The following ZNF365 variants were observed in gnomAD, a reference collection of about 807,000 sequenced individuals.
ZNF365 encodes zinc finger protein 365, also known as protein ZNF365.
ZNF365 carries 22 observed loss-of-function variants against 35.0 expected under a neutral mutation model. The observed-to-expected ratio is 0.63, with a 90% CI of 0.45 to 0.90. The LOEUF (loss-of-function observed/expected upper bound fraction) is 0.90. Ranked by LOEUF, ZNF365 falls within the 40% of genes least tolerant of loss-of-function variation. ZNF365 has a pLI of 0.00. For synonymous variants in ZNF365, 188 were observed against 196.2 expected (o/e 0.96, Z 0.35); for missense variants, 448 against 500.3 (o/e 0.90, Z 1.00).
chr10:62,434,155 T>C (rs35988619), intron 3 of ZNF365, among the ~76,000 whole-genome samples: 7,511 of 152,278 alleles, frequency 0.049, 242 homozygotes, highest in South Asian at 0.079. Flanking sequence ...AGAATTGATA[T>C]TTTAACCAGC....
At chr10:62,436,593 G>T (rs1406431156) in intron 3 of ZNF365, among the ~76,000 whole-genome samples, 1 of 152,154 alleles carries the variant, frequency 6.6e-6, no homozygotes, top group Non-Finnish European at 1.5e-5. Context: ...TTTTCACCAA[G>T]AAATTTTTAT....
intron 3 of ZNF365, among the ~76,000 whole-genome samples, chr10:62,447,340 T>C (rs764094327): frequency 3.3e-5 from 5 of 152,192 alleles, no homozygotes; most frequent in Non-Finnish European, 7.4e-5. Context: ...GAATCTGGGC[T>C]TCACAGGAGT....
At chr10:62,468,337 A>G (rs1287553916) in intron 4 of ZNF365, among the ~76,000 whole-genome samples, 2 of 152,244 alleles carry the variant, frequency 1.3e-5, no homozygotes, top group Non-Finnish European at 2.9e-5. Flanking sequence ...AAGGGACATC[A>G]AAATGTTCAT....
chr10:62,472,698 T>C (rs1841062648), intron 4 of ZNF365, among the ~76,000 whole-genome samples: 1 of 152,214 alleles, frequency 6.6e-6, no homozygotes, highest in Non-Finnish European at 1.5e-5. Flanking sequence ...ATTTGGTGTA[T>C]GGTGCTTTGT....
intron 3 of ZNF365, among the ~76,000 whole-genome samples, chr10:62,393,349 C>T (rs2132422783): frequency 6.6e-6 from 1 of 152,308 alleles, no homozygotes; most frequent in South Asian, 2.1e-4. Flanking sequence ...ATGCTCTGTA[C>T]ATGATTATAT....
chr10:62,398,139 C>A (rs1839763031), intron 3 of ZNF365, among the ~76,000 whole-genome samples: 1 of 152,194 alleles, frequency 6.6e-6, no homozygotes, highest in Non-Finnish European at 1.5e-5. Flanking sequence ...GAGAAAGACA[C>A]ATGCACACAC....
chr10:62,445,100 T>C (rs1250240927), intron 3 of ZNF365, among the ~76,000 whole-genome samples: 8 of 151,738 alleles, frequency 5.3e-5, no homozygotes, highest in Non-Finnish European at 1.2e-4. Flanking sequence ...ACAAAGGACA[T>C]GAACTCATCA....
At chr10:62,427,194 C>G (rs748392726) in intron 3 of ZNF365, among the ~76,000 whole-genome samples, 6 of 152,154 alleles carry the variant, frequency 3.9e-5, no homozygotes, top group Non-Finnish European at 7.3e-5. Context: ...GAGTGTACTC[C>G]TTCTACAGTC....
intron 3 of ZNF365, among the ~76,000 whole-genome samples, chr10:62,452,468 A>C (rs1263774390): frequency 6.6e-6 from 1 of 152,248 alleles, no homozygotes; most frequent in Non-Finnish European, 1.5e-5. Context: ...AGGTTGAAAG[A>C]ATCTTGAAGA....
intron 3 of ZNF365, among the ~76,000 whole-genome samples, chr10:62,393,272 A>C (rs557576956): frequency 1.3e-5 from 2 of 152,368 alleles, no homozygotes; most frequent in African/African-American, 4.8e-5. Context: ...AAATAGAAAG[A>C]TTAAAAGTAT....
chr10:62,474,877 G>A (rs953463160), intron 4 of ZNF365, among the ~76,000 whole-genome samples: 6 of 152,162 alleles, frequency 3.9e-5, no homozygotes, highest in African/African-American at 1.4e-4. Flanking sequence ...GTATGTTTCT[G>A]ACATGCTTAA....
chr10:62,375,861 G>A (rs1204328690), intron 1 of ZNF365: 1 of 239,952 alleles, frequency 4.2e-6, no homozygotes, highest in Non-Finnish European at 7.9e-6. Context: ...TTGATTCTAG[G>A]TAGGAGTTGG....
chr10:62,410,469 A>G (rs979450784), intron 3 of ZNF365, among the ~76,000 whole-genome samples: 1 of 152,076 alleles, frequency 6.6e-6, no homozygotes, highest in Non-Finnish European at 1.5e-5. Flanking sequence ...AGATCAACCC[A>G]TCACCTTGGT....
intron 4 of ZNF365, among the ~76,000 whole-genome samples, chr10:62,468,617 C>T (rs985976953): frequency 2.0e-5 from 3 of 152,048 alleles, no homozygotes; most frequent in Admixed American, 1.3e-4. Flanking sequence ...ACAATGCCCC[C>T]CCAGATTAGC....
intron 3 of ZNF365, among the ~76,000 whole-genome samples, chr10:62,389,461 CCCCCGCAGCAA>C (rs1233598607): frequency 1.3e-5 from 2 of 151,588 alleles, no homozygotes; most frequent in African/African-American, 4.8e-5. Flanking sequence ...ACTGCTTCCA[CCCCCGCAGCAA>C]ATGGGCTCTA....
intron 3 of ZNF365, among the ~76,000 whole-genome samples, chr10:62,451,532 C>T (rs1256627073): frequency 1.3e-5 from 2 of 152,256 alleles, no homozygotes; most frequent in South Asian, 4.1e-4. Context: ...CCCACTGAGG[C>T]ATTCACCACC....
At chr10:62,385,407 T>C (rs1301927723) in intron 2 of ZNF365, among the ~76,000 whole-genome samples, 1 of 152,218 alleles carries the variant, frequency 6.6e-6, no homozygotes, top group East Asian at 1.9e-4. Context: ...TTTAAAAGTT[T>C]CATGTAGAAA....
chr10:62,456,052 G>A (rs539340397), intron 3 of ZNF365, among the ~76,000 whole-genome samples: 1 of 152,200 alleles, frequency 6.6e-6, no homozygotes, highest in Non-Finnish European at 1.5e-5. Flanking sequence ...CGGTGATGGT[G>A]ATGGACAGAT....
At chr10:62,398,637 C>A in intron 3 of ZNF365, 103 bp from the exon 4 acceptor site, 1 of 1,034,174 alleles carries the variant, frequency 9.7e-7, no homozygotes, top group Non-Finnish European at 1.5e-6. Context: ...GTCACTGACT[C>A]CCTTAATGGG....
Sources: allele counts gnomAD v4.1 joint callset (sites outside exome capture counted in the v4.1 genomes callset), GRCh38; gene constraint gnomAD v4.1.1; transcripts MANE v1.5; gene names NCBI Gene and HGNC (gene_info 2026-07-23, HGNC 2026-07-21).